ABCA12: variants seen among roughly 807,000 people sequenced by gnomAD.
ABCA12 encodes the protein glucosylceramide transporter ABCA12.
A neutral mutation model predicts 293.5 loss-of-function variants in ABCA12; 156 were observed. That is an observed-to-expected ratio of 0.53 (90% confidence interval 0.47 to 0.61). The LOEUF (loss-of-function observed/expected upper bound fraction) is 0.61, where lower values mean the gene tolerates loss of function less well. ABCA12 is among the 20% of genes least tolerant of loss of function. ABCA12 has a pLI of 0.00. For missense variants in ABCA12, 2,797 were observed against 3,090.2 expected, an observed-to-expected ratio of 0.91 and a Z score of 2.25; for synonymous variants, 1,063 against 1,108.0, an observed-to-expected ratio of 0.96 and a Z score of 0.81.
chr2:214,974,438 A>G (rs181876247), intron 35 of ABCA12, among the ~76,000 whole-genome samples: 95 of 152,276 alleles, frequency 6.2e-4, no homozygotes, highest in African/African-American at 2.1e-3. Flanking sequence ...TATATAGTGC[A>G]AATGAGAACT....
At chr2:215,131,759 T>C (rs1284577591) in intron 1 of ABCA12, among the ~76,000 whole-genome samples, 1 of 150,902 alleles carries the variant, frequency 6.6e-6, no homozygotes, top group Non-Finnish European at 1.5e-5. Flanking sequence ...TGATCTGTGT[T>C]GTTCTTTTCT....
At chr2:214,979,303 A>G (rs1449074691) in intron 31 of ABCA12, among the ~76,000 whole-genome samples, 1 of 151,910 alleles carries the variant, frequency 6.6e-6, no homozygotes, top group African/African-American at 2.4e-5. Flanking sequence ...CTGTTGCTAG[A>G]GGGCTTTGGG....
At position 215,063,938 on chromosome 2, in the gene ABCA12, G is replaced by A. The variant is rs1575019696; in HGVS notation, c.317+128C>T. 4.4e-5 allele frequency: 49 copies of A among 1,120,706 alleles called. No individual in the cohort carries two copies. The East Asian group carries it at 1.2e-3, about 27-fold the overall frequency. 69.4% of individuals were successfully genotyped at this position (1,120,706 alleles called of 1,614,324 possible). A position where few individuals can be genotyped will look rare whatever the true frequency, so the allele number is the denominator to read the frequency against. Reference sequence around the variant, plus strand: ...TACCTACTTTGTTATTTCATATTTAGATCATCACATTTATAGACAGAGAAA... The same window carrying A: ...TACCTACTTTGTTATTTCATATTTAAATCATCACATTTATAGACAGAGAAA... On this transcript the variant is annotated intron_variant, in intron 3 of 52. Transcript: ENST00000272895.
At chr2:214,941,125 A>T (rs1040096685) in intron 50 of ABCA12, among the ~76,000 whole-genome samples, 2 of 152,100 alleles carry the variant, frequency 1.3e-5, no homozygotes, top group African/African-American at 4.8e-5. Flanking sequence ...CCCTCTAAAC[A>T]CTGCTTTAGC....
intron 2 of ABCA12, among the ~76,000 whole-genome samples, chr2:215,072,527 G>A (rs1701757445): frequency 6.6e-6 from 1 of 152,116 alleles, no homozygotes; most frequent in South Asian, 2.1e-4. Flanking sequence ...TTGATGGTCA[G>A]CCCAGAAGAC....
chr2:215,132,675 T>C (rs1703086667), intron 1 of ABCA12, among the ~76,000 whole-genome samples: 1 of 152,038 alleles, frequency 6.6e-6, no homozygotes, highest in Non-Finnish European at 1.5e-5. Flanking sequence ...TGGCCATGTC[T>C]TTTTTAAAAT....
chr2:214,947,596 GCCAAAA>G (rs1472703341), intron 47 of ABCA12, 40 bp from the exon 48 acceptor site: 10 of 1,611,280 alleles, frequency 6.2e-6, no homozygotes, highest in Non-Finnish European at 8.5e-6. Context: ...ACCTTCCTGT[GCCAAAA>G]CCCTTAAAGC....
At chr2:215,116,111 G>A (rs1264365025) in intron 1 of ABCA12, among the ~76,000 whole-genome samples, 1 of 152,142 alleles carries the variant, frequency 6.6e-6, no homozygotes, top group African/African-American at 2.4e-5. Context: ...AGCAAAATGG[G>A]CATAAACTCC....
chr2:214,978,491 C>G, intron 32 of ABCA12, 25 bp from the exon 33 acceptor site: 1 of 1,610,190 alleles, frequency 6.2e-7, no homozygotes, highest in African/African-American at 1.3e-5. Flanking sequence ...CAGATCACTT[C>G]ATTAACATGA....
chr2:214,959,145 A>G (rs2105937923), intron 39 of ABCA12, 67 bp from the exon 40 acceptor site: 1 of 1,288,746 alleles, frequency 7.8e-7, no homozygotes, highest in Non-Finnish European at 1.1e-6. Flanking sequence ...TTTTTAGATG[A>G]ATAATATTCA....
chr2:214,995,201 A>G (rs1700008178), intron 23 of ABCA12, among the ~76,000 whole-genome samples: 1 of 152,206 alleles, frequency 6.6e-6, no homozygotes, highest in Non-Finnish European at 1.5e-5. Flanking sequence ...AAGTGGCTTC[A>G]TTGAGATAGC....
chr2:215,024,369 T>C (rs1413051038), intron 11 of ABCA12, among the ~76,000 whole-genome samples: 1 of 152,132 alleles, frequency 6.6e-6, no homozygotes, highest in Non-Finnish European at 1.5e-5. Flanking sequence ...TGGGAGTACA[T>C]ATAATTGATA....
chr2:215,129,022 T>C lies in ABCA12; in HGVS notation c.69+9118A>G, dbSNP rs534605939. ...ATGTAGTACTCTCCCCCTTTTCCTG[T>C]GGATGTGGCTTCCTGTGAGCCAAGA... On this transcript the variant is annotated intron_variant, in intron 1 of 52. Coordinates refer to ENST00000272895, the MANE Select transcript of ABCA12 (RefSeq NM_173076.3). Among the ~76,000 whole-genome samples the C allele has an allele frequency of 7.9e-5, 12 of 152,344 alleles. No individual in the cohort carries two copies. In the South Asian group the frequency reaches 2.1e-3, roughly 26 times the overall value.
chr2:214,958,598 T>C (rs1699023873), intron 40 of ABCA12, 144 bp from the exon 41 acceptor site: 6 of 822,256 alleles, frequency 7.3e-6, no homozygotes, highest in Non-Finnish European at 1.2e-5. Flanking sequence ...GGCAGCCAGA[T>C]AATATTTCCA....
At chr2:215,064,865 T>A (rs1190081787) in intron 2 of ABCA12, among the ~76,000 whole-genome samples, 2 of 152,034 alleles carry the variant, frequency 1.3e-5, no homozygotes, top group Non-Finnish European at 2.9e-5. Context: ...AATTTACATG[T>A]CTTCTTTTGT....
At chr2:215,117,184 A>T (rs1702704274) in intron 1 of ABCA12, among the ~76,000 whole-genome samples, 1 of 152,252 alleles carries the variant, frequency 6.6e-6, no homozygotes, top group South Asian at 2.1e-4. Context: ...GAAATTATTT[A>T]AAAGATTTCT....
chr2:215,005,916 T>G (rs902196717), intron 19 of ABCA12, among the ~76,000 whole-genome samples: 3 of 152,174 alleles, frequency 2.0e-5, no homozygotes, highest in African/African-American at 7.2e-5. Context: ...ATATACTAAT[T>G]TTAGAGATCC....
At chr2:215,056,758 TC>T (rs1325682176) in intron 3 of ABCA12, among the ~76,000 whole-genome samples, 1 of 152,068 alleles carries the variant, frequency 6.6e-6, no homozygotes, top group Non-Finnish European at 1.5e-5. Flanking sequence ...ACAGCTACTT[TC>T]CCCCCAAACA....
At position 214,980,782 on chromosome 2, in the gene ABCA12, C is replaced by G. The variant is rs1699630599; in HGVS notation, c.4580-139G>C. 4.5e-6 allele frequency: 5 copies of G among 1,103,402 alleles called. No homozygotes were observed. In the East Asian group the frequency reaches 1.2e-4, roughly 27 times the overall value. 68.4% of individuals were successfully genotyped at this position (1,103,402 alleles called of 1,614,324 possible). On this transcript the variant is annotated intron_variant, in intron 30 of 52. Transcript: ENST00000272895. ...AGCTAACTGAAAAACTGACTGACCT[C>G]AAAGAGCTTCCAAAATGATGCAAGA... is the stretch of plus-strand genomic sequence containing the variant.
Sources: gnomAD v4.1 joint callset for allele counts (sites outside exome capture counted in the v4.1 genomes callset) on GRCh38, gnomAD v4.1.1 for gene constraint, MANE v1.5 for transcripts, NCBI Gene and HGNC (gene_info 2026-07-23, HGNC 2026-07-21) for gene names.